C15orf40: variants seen among roughly 807,000 people sequenced by gnomAD.
The protein encoded by C15orf40 is UPF0235 protein C15orf40.
Under a neutral mutation model 13.9 loss-of-function variants are expected in C15orf40, and 9 were observed. The observed-to-expected ratio is 0.65, with a 90% CI of 0.39 to 1.13. The LOEUF (loss-of-function observed/expected upper bound fraction) is 1.13, where lower values mean the gene tolerates loss of function less well. Ranked by LOEUF, C15orf40 falls within the 50% of genes most tolerant of loss-of-function variation. The probability of loss-of-function intolerance (pLI) is 0.01; values close to 1 mark genes in which losing one functional copy is unlikely to be tolerated. For synonymous variants in C15orf40, 95 were observed against 69.2 expected (o/e 1.37, Z -1.85); for missense variants, 225 against 188.5 (o/e 1.19, Z -1.13).
Position 83,001,868 on chromosome 15 carries a change from T to C in C15orf40, c.*3729A>G, listed in dbSNP as rs1210088696. 2 of 152,304 alleles carry C rather than the reference T, an allele frequency of 1.3e-5. No individual in the cohort carries two copies. The highest frequency in any genetic ancestry group is 4.8e-5 in the African/African-American group (2 of 41,368). The allele number at this position is 152,304 out of a possible 1,614,324, so 9.4% of individuals were successfully genotyped here. A position where few individuals can be genotyped will look rare whatever the true frequency, so the allele number is the denominator to read the frequency against. On this transcript the variant is annotated 3_prime_UTR_variant, in exon 4 of 4. Coordinates refer to ENST00000304177, the MANE Select transcript of C15orf40 (RefSeq NM_144597.3). ...GGAATACAGCCCCTGGGCCAGTTCCTACCTCCAACAGTAGTTTGTTTTGTT... is the reference window on the plus strand; with the variant it reads ...GGAATACAGCCCCTGGGCCAGTTCCCACCTCCAACAGTAGTTTGTTTTGTT...
chr15:83,001,859 G>C lies in C15orf40; in HGVS notation c.*3738C>G, dbSNP rs1205568474. ...CGTGTTCTGGGAATACAGCCCCTGGGCCAGTTCCTACCTCCAACAGTAGTT... is the reference window on the plus strand; with the variant it reads ...CGTGTTCTGGGAATACAGCCCCTGGCCCAGTTCCTACCTCCAACAGTAGTT... On this transcript the variant is annotated 3_prime_UTR_variant, in exon 4 of 4. Coordinates refer to ENST00000304177, the MANE Select transcript of C15orf40 (RefSeq NM_144597.3). The C allele has an allele frequency of 1.3e-5, 2 of 152,306 alleles. No homozygotes were observed. Among genetic ancestry groups the C allele is most frequent in the African/African-American group, 4.8e-5 (2 of 41,406 alleles). The allele number at this position is 152,306 out of a possible 1,614,324, so 9.4% of individuals were successfully genotyped here. A position where few individuals can be genotyped will look rare whatever the true frequency, so the allele number is the denominator to read the frequency against.
chr15:83,010,419 A>G (rs2031934631), intron 1 of C15orf40, 56 bp from the exon 2 acceptor site: 1 of 1,603,124 alleles, frequency 6.2e-7, no homozygotes, highest in Non-Finnish European at 8.5e-7. Flanking sequence ...CACACATTTA[A>G]TTTGATTCTT....
chr15:83,008,901 C>T (rs756708838), intron 2 of C15orf40, among the ~76,000 whole-genome samples: 2 of 152,186 alleles, frequency 1.3e-5, no homozygotes, highest in Non-Finnish European at 2.9e-5. Context: ...AAGTTATTGA[C>T]CCAATCTTGC....
chr15:83,008,296 A>C, intron 3 of C15orf40: 2 of 404,496 alleles, frequency 4.9e-6, no homozygotes, highest in Non-Finnish European at 4.6e-6. Context: ...AGGCAGGTGG[A>C]TCATTTGAGG....
At position 83,005,287 on chromosome 15, in the gene C15orf40, T is replaced by A; in HGVS notation, c.*310A>T. 1 of 1,001,366 alleles carries A rather than the reference T, an allele frequency of 1.0e-6. No homozygotes were observed. The highest frequency in any genetic ancestry group is 3.7e-5 in the South Asian group (1 of 26,848). The allele number at this position is 1,001,366 out of a possible 1,614,324, so 62.0% of individuals were successfully genotyped here. A position where few individuals can be genotyped will look rare whatever the true frequency, so the allele number is the denominator to read the frequency against. ...AGTTTCTCAAGGATGTATTTTTTATTTCTTTTTTTTCGGGGGGAGAGAGTT... is the reference window on the plus strand; with the variant it reads ...AGTTTCTCAAGGATGTATTTTTTATATCTTTTTTTTCGGGGGGAGAGAGTT... On this transcript the variant is annotated 3_prime_UTR_variant, in exon 4 of 4. Transcript: ENST00000304177.
chr15:82,989,369 A>G (rs561237502), downstream of C15orf40, among the ~76,000 whole-genome samples: 5 of 152,244 alleles, frequency 3.3e-5, no homozygotes, highest in East Asian at 9.6e-4. Context: ...TTTCAGCACC[A>G]TGTATTTTTT....
chr15:83,006,693 G>C (rs952385519), intron 3 of C15orf40, among the ~76,000 whole-genome samples: 2 of 152,206 alleles, frequency 1.3e-5, no homozygotes, highest in African/African-American at 4.8e-5. Context: ...GGCGGGGCGC[G>C]GGGCGGATGT....
At chr15:82,990,933 C>A, downstream of C15orf40, 1 of 307,914 alleles carries the variant, frequency 3.2e-6, no homozygotes, top group Non-Finnish European at 6.0e-6. Flanking sequence ...GCTTTCTCTC[C>A]TATAAATAGT....
rs910362241 is a variant in C15orf40 at position 82,996,544 on chromosome 15, G to A, written c.*9053C>T. On this transcript the variant is annotated 3_prime_UTR_variant, in exon 4 of 4. Coordinates refer to ENST00000304177, the MANE Select transcript of C15orf40 (RefSeq NM_144597.3). ...TGCAGTCCCAGCTACTCAGGAGGCT[G>A]AGGCAGGAGAATGGCGTGAACCCAG... 1 of 152,194 alleles carries A rather than the reference G, an allele frequency of 6.6e-6. No individual in the cohort carries two copies. The highest frequency in any genetic ancestry group is 1.5e-5 in the Non-Finnish European group (1 of 68,080). The allele number at this position is 152,194 out of a possible 1,614,324, so 9.4% of individuals were successfully genotyped here. A position where few individuals can be genotyped will look rare whatever the true frequency, so the allele number is the denominator to read the frequency against.
intron 2 of C15orf40, 109 bp from the exon 3 acceptor site, chr15:83,008,784 T>G (rs2031841961): frequency 7.3e-6 from 9 of 1,227,366 alleles, no homozygotes; most frequent in Non-Finnish European, 1.0e-5. Context: ...AGATTTTCAA[T>G]TAAAAACTGT....
At position 82,996,619 on chromosome 15, in the gene C15orf40, G is replaced by A. The variant is rs2031091118; in HGVS notation, c.*8978C>T. 6.6e-6 allele frequency: 1 copy of A among 151,506 alleles called. No homozygotes were observed. The allele number at this position is 151,506 out of a possible 1,614,324, so 9.4% of individuals were successfully genotyped here. A position where few individuals can be genotyped will look rare whatever the true frequency, so the allele number is the denominator to read the frequency against. Reference sequence around the variant, plus strand: ...GACTGCGACACTGCACTCCAGCCTGGGTGACAGAGTGAGACTCCGTCTCAA... The same window carrying A: ...GACTGCGACACTGCACTCCAGCCTGAGTGACAGAGTGAGACTCCGTCTCAA... On this transcript the variant is annotated 3_prime_UTR_variant, in exon 4 of 4. Transcript: ENST00000304177.
At position 83,000,317 on chromosome 15, in the gene C15orf40, G is replaced by A. The variant is rs558906558; in HGVS notation, c.*5280C>T. 1.3e-5 allele frequency: 2 copies of A among 152,360 alleles called. No homozygotes were observed. The highest frequency in any genetic ancestry group is 1.9e-4 in the East Asian group (1 of 5,182). 9.4% of individuals were successfully genotyped at this position (152,360 alleles called of 1,614,324 possible). A position where few individuals can be genotyped will look rare whatever the true frequency, so the allele number is the denominator to read the frequency against. On this transcript the variant is annotated 3_prime_UTR_variant, in exon 4 of 4. Transcript: ENST00000304177. ...ATCCATTTTCAGAAACACTGGCTACGTGGATTTCTGAAACCTGCAGAGTTA... is the reference window on the plus strand; with the variant it reads ...ATCCATTTTCAGAAACACTGGCTACATGGATTTCTGAAACCTGCAGAGTTA...
Position 83,005,128 on chromosome 15 carries a change from A to G in C15orf40, c.*469T>C. 1 of 1,121,692 alleles carries G rather than the reference A, an allele frequency of 8.9e-7. No individual in the cohort carries two copies. Among genetic ancestry groups the G allele is most frequent in the Non-Finnish European group, 1.1e-6 (1 of 899,598 alleles). 69.5% of individuals were successfully genotyped at this position (1,121,692 alleles called of 1,614,324 possible). On this transcript the variant is annotated 3_prime_UTR_variant, in exon 4 of 4. Transcript: ENST00000304177. ...GTTTGGGATTTTAGAACCTGATGCAATGTATAGCACTTTTTAAATTTCTAC... is the reference window on the plus strand; with the variant it reads ...GTTTGGGATTTTAGAACCTGATGCAGTGTATAGCACTTTTTAAATTTCTAC...
chr15:82,999,958 G>T lies in C15orf40; in HGVS notation c.*5639C>A, dbSNP rs2031346108. 1 of 152,132 alleles carries T rather than the reference G, an allele frequency of 6.6e-6. No homozygotes were observed. The highest frequency in any genetic ancestry group is 2.4e-5 in the African/African-American group (1 of 41,414). The allele number at this position is 152,132 out of a possible 1,614,324, so 9.4% of individuals were successfully genotyped here. ...GTGGTCTTCCTGCAACCTAGAAAAA[G>T]GGAGTTCCTGTACTATGAAGGATCA... On this transcript the variant is annotated 3_prime_UTR_variant, in exon 4 of 4. Transcript: ENST00000304177.
downstream of C15orf40, chr15:82,991,107 T>C (rs997232675): frequency 2.6e-5 from 4 of 155,032 alleles, no homozygotes; most frequent in Non-Finnish European, 4.3e-5. Flanking sequence ...GATTTTTGGG[T>C]TTTTTTATGC....
rs183684243 is a variant in C15orf40 at position 82,996,689 on chromosome 15, A to G, written c.*8908T>C. 6.6e-6 allele frequency: 1 copy of G among 151,574 alleles called. No individual in the cohort carries two copies. Among genetic ancestry groups the G allele is most frequent in the East Asian group, 1.9e-4 (1 of 5,174 alleles). 9.4% of individuals were successfully genotyped at this position (151,574 alleles called of 1,614,324 possible). A position where few individuals can be genotyped will look rare whatever the true frequency, so the allele number is the denominator to read the frequency against. ...AAAATAATAAAATAAAATAAAAAAT[A>G]TAAAAAGTGAAACAATACAAAAATG... is the stretch of plus-strand genomic sequence containing the variant. On this transcript the variant is annotated 3_prime_UTR_variant, in exon 4 of 4. Transcript: ENST00000304177.
intron 1 of C15orf40, 37 bp from the exon 2 acceptor site, chr15:83,010,400 A>G: frequency 6.2e-7 from 1 of 1,611,590 alleles, no homozygotes; most frequent in Admixed American, 1.7e-5. Context: ...AGGTTACAAA[A>G]TATTTTCCCA....
chr15:82,989,958 A>G (rs773262295), downstream of C15orf40: 7 of 1,611,352 alleles, frequency 4.3e-6, no homozygotes, highest in Middle Eastern at 1.7e-4. Flanking sequence ...AATCAGTGGC[A>G]TGGACGATCC....
At chr15:82,989,354 T>C (rs2030759910), downstream of C15orf40, among the ~76,000 whole-genome samples, 1 of 152,258 alleles carries the variant, frequency 6.6e-6, no homozygotes, top group Admixed American at 6.5e-5. Flanking sequence ...TTTGCTTTAA[T>C]ATTTTTTCAG....
Sources: allele counts gnomAD v4.1 joint callset (sites outside exome capture counted in the v4.1 genomes callset), GRCh38; gene constraint gnomAD v4.1.1; transcripts MANE v1.5; gene names NCBI Gene and HGNC (gene_info 2026-07-23, HGNC 2026-07-21).